The following GABBR2 variants were observed in gnomAD, a reference collection of about 807,000 sequenced individuals.
GABBR2 encodes the protein G-protein coupled receptor 51.
A neutral mutation model predicts 105.6 loss-of-function variants in GABBR2; 23 were observed. The ratio of observed to expected loss-of-function variants is 0.22; its 90% CI spans 0.16 to 0.31. The LOEUF (loss-of-function observed/expected upper bound fraction) is 0.31, where lower values mean the gene tolerates loss of function less well. GABBR2 is among the 10% of genes least tolerant of loss of function. The pLI is 1.00. For synonymous variants in GABBR2, 478 were observed against 499.7 expected (o/e 0.96, Z 0.58); for missense variants, 734 against 1,245.5 (o/e 0.59, Z 6.18).
intron 1 of GABBR2, among the ~76,000 whole-genome samples, chr9:98,628,846 G>T (rs1344049978): frequency 6.6e-6 from 1 of 152,166 alleles, no homozygotes; most frequent in African/African-American, 2.4e-5. Context: ...CTCCCGTGAA[G>T]CTGAAAAGGC....
intron 5 of GABBR2, among the ~76,000 whole-genome samples, chr9:98,477,908 T>G (rs1231487092): frequency 1.3e-5 from 2 of 152,154 alleles, no homozygotes; most frequent in Non-Finnish European, 2.9e-5. Context: ...TACGGATCAT[T>G]GCTTCCATTT....
At chr9:98,703,417 C>T (rs1051558490) in intron 1 of GABBR2, among the ~76,000 whole-genome samples, 1 of 152,184 alleles carries the variant, frequency 6.6e-6, no homozygotes, top group African/African-American at 2.4e-5. Context: ...GCATGCTGGG[C>T]AGTGGGGGTG....
At chr9:98,517,497 C>T (rs746309150) in intron 3 of GABBR2, among the ~76,000 whole-genome samples, 2 of 152,102 alleles carry the variant, frequency 1.3e-5, no homozygotes, top group African/African-American at 2.4e-5. Flanking sequence ...GCTGAGAGCC[C>T]GAAACGCAGC....
chr9:98,610,474 G>GTAAAA (rs1829490296), intron 1 of GABBR2, among the ~76,000 whole-genome samples: 1 of 152,134 alleles, frequency 6.6e-6, no homozygotes, highest in African/African-American at 2.4e-5. Context: ...GGTAAAAGAG[G>GTAAAA]GAATATTACC....
rs200332436 is a variant in GABBR2 at position 98,373,816 on chromosome 9, TGAG to T, written c.1663-2248_1663-2246del. On this transcript the variant is annotated intron_variant, in intron 11 of 18. Coordinates refer to ENST00000259455, the MANE Select transcript of GABBR2 (RefSeq NM_005458.8). ...TCCTGTGGCTGACAAAGATCTATTT[TGAG>T]GAGATGTGTCACTCCAGTGTGCAAA... is the stretch of plus-strand genomic sequence containing the variant. Among the ~76,000 whole-genome samples, 1,225 of 151,672 alleles carry T rather than the reference TGAG, an allele frequency of 8.1e-3. 13 individuals carry two copies. Among genetic ancestry groups the T allele is most frequent in the Middle Eastern group, 0.01 (3 of 290 alleles).
rs562776779 is a variant in GABBR2 at position 98,553,729 on chromosome 9, A to T, written c.460-11686T>A. Among the ~76,000 whole-genome samples the T allele has an allele frequency of 2.6e-5, 4 of 152,378 alleles. No individual in the cohort carries two copies. The South Asian group carries it at 8.3e-4, about 32-fold the overall frequency. ...GCATTCACTTCTTCACTTAATGTGC[A>T]AAACAACCCTATGAAGTAGATGTGA... is the stretch of plus-strand genomic sequence containing the variant. On this transcript the variant is annotated intron_variant, in intron 2 of 18. Transcript: ENST00000259455.
At chr9:98,599,086 C>A (rs1829281987) in intron 1 of GABBR2, among the ~76,000 whole-genome samples, 1 of 152,188 alleles carries the variant, frequency 6.6e-6, no homozygotes, top group Non-Finnish European at 1.5e-5. Context: ...GCTGCTGTAT[C>A]TGTGGGGAAT....
At chr9:98,410,806 A>C (rs1210810864) in intron 7 of GABBR2, among the ~76,000 whole-genome samples, 4 of 152,138 alleles carry the variant, frequency 2.6e-5, no homozygotes, top group Admixed American at 2.6e-4. Flanking sequence ...ATCAACATCC[A>C]GTCAAGAAAA....
intron 2 of GABBR2, among the ~76,000 whole-genome samples, chr9:98,547,119 G>T (rs1828416051): frequency 8.5e-6 from 1 of 118,134 alleles, no homozygotes; most frequent in African/African-American, 2.7e-5. Flanking sequence ...CCTCTACCTG[G>T]AAGCCTGAAA....
At chr9:98,664,669 C>T (rs920506283) in intron 1 of GABBR2, among the ~76,000 whole-genome samples, 2 of 152,264 alleles carry the variant, frequency 1.3e-5, no homozygotes, top group Admixed American at 1.3e-4. Flanking sequence ...AGACCAATCT[C>T]GTTCACTGGG....
At chr9:98,590,421 C>A (rs1186640972) in intron 1 of GABBR2, among the ~76,000 whole-genome samples, 1 of 152,250 alleles carries the variant, frequency 6.6e-6, no homozygotes, top group Non-Finnish European at 1.5e-5. Flanking sequence ...CACATCTCTC[C>A]TCTGCACTAT....
chr9:98,425,689 TCA>T (rs1444690951), intron 7 of GABBR2, among the ~76,000 whole-genome samples: 1 of 152,184 alleles, frequency 6.6e-6, no homozygotes, highest in African/African-American at 2.4e-5. Context: ...AAAATGAGGC[TCA>T]GACAGGTGAG....
At chr9:98,602,796 G>A (rs1829360989) in intron 1 of GABBR2, among the ~76,000 whole-genome samples, 1 of 152,218 alleles carries the variant, frequency 6.6e-6, no homozygotes, top group Non-Finnish European at 1.5e-5. Flanking sequence ...CCTTGTGCCT[G>A]TCACAGTCTT....
intron 7 of GABBR2, among the ~76,000 whole-genome samples, chr9:98,420,654 C>A (rs1832766852): frequency 6.6e-6 from 1 of 152,168 alleles, no homozygotes; most frequent in South Asian, 2.1e-4. Flanking sequence ...AGGGCCTGGG[C>A]TGTGGGGAAT....
At chr9:98,664,882 T>C (rs958257111) in intron 1 of GABBR2, among the ~76,000 whole-genome samples, 1 of 152,160 alleles carries the variant, frequency 6.6e-6, no homozygotes, top group African/African-American at 2.4e-5. Context: ...TCCCAGCACT[T>C]TGGGAGGCTG....
Position 98,306,062 on chromosome 9 carries a change from C to T in GABBR2, c.2229+59G>A, listed in dbSNP as rs1050791005. ...CTTTTAGAGAATGGAGAAAAGCCAG[C>T]AATGCCCCTGTGCTGGAGTCAGAGG... On this transcript the variant is annotated intron_variant, in intron 15 of 18. Transcript: ENST00000259455. This position sits in a 1 kb window ranked among gnomAD's most constrained non-coding sequence, Gnocchi z 5.4. 8 of 1,115,428 alleles carry T rather than the reference C, an allele frequency of 7.2e-6. No individual in the cohort carries two copies. Among genetic ancestry groups the T allele is most frequent in the Non-Finnish European group, 1.1e-5 (8 of 742,258 alleles). The allele number at this position is 1,115,428 out of a possible 1,614,324, so 69.1% of individuals were successfully genotyped here. A position where few individuals can be genotyped will look rare whatever the true frequency, so the allele number is the denominator to read the frequency against.
At chr9:98,702,934 ACT>A (rs1240882965) in intron 1 of GABBR2, among the ~76,000 whole-genome samples, 1 of 151,788 alleles carries the variant, frequency 6.6e-6, no homozygotes, top group Non-Finnish European at 1.5e-5. Flanking sequence ...CCTCTCCCCA[ACT>A]CTGTGTTCAG....
intron 13 of GABBR2, among the ~76,000 whole-genome samples, chr9:98,335,970 A>C (rs1386883547): frequency 3.3e-5 from 5 of 152,228 alleles, no homozygotes; most frequent in African/African-American, 1.2e-4. Flanking sequence ...TAAGATAGTT[A>C]AGGGCCCTGT....
At chr9:98,413,955 A>T (rs1392456221) in intron 7 of GABBR2, among the ~76,000 whole-genome samples, 1 of 152,270 alleles carries the variant, frequency 6.6e-6, no homozygotes. Flanking sequence ...GTAAATTTTA[A>T]TACAGACACA....
Sources: allele counts gnomAD v4.1 joint callset (sites outside exome capture counted in the v4.1 genomes callset), GRCh38; gene constraint gnomAD v4.1.1; non-coding constraint Gnocchi (gnomAD v3.1); transcripts MANE v1.5; gene names NCBI Gene and HGNC (gene_info 2026-07-23, HGNC 2026-07-21).